The following DHX35 variants were observed in gnomAD, a reference collection of about 807,000 sequenced individuals.
DHX35 encodes DEAH-box helicase 35.
A neutral mutation model predicts 99.6 loss-of-function variants in DHX35; 84 were observed. That is an observed-to-expected ratio of 0.84 (90% CI 0.71 to 1.01). The LOEUF (loss-of-function observed/expected upper bound fraction) is 1.01, where lower values mean the gene tolerates loss of function less well. Ranked by LOEUF, DHX35 falls within the 50% of genes least tolerant of loss-of-function variation. The pLI, the probability that DHX35 is intolerant of heterozygous loss-of-function variation, is 0.00. For missense variants in DHX35, 852 were observed against 888.5 expected, an observed-to-expected ratio of 0.96 and a Z score of 0.52; for synonymous variants, 331 against 316.2, an observed-to-expected ratio of 1.05 and a Z score of -0.50.
intron 4 of DHX35, among the ~76,000 whole-genome samples, chr20:38,988,022 G>A (rs1180394961): frequency 6.6e-6 from 1 of 152,144 alleles, no homozygotes; most frequent in Non-Finnish European, 1.5e-5. Context: ...CCGGGGGATG[G>A]GTTTTCTTTT....
chr20:38,989,063 A>G, intron 5 of DHX35, 146 bp downstream of exon 5: 2 of 696,928 alleles, frequency 2.9e-6, no homozygotes, highest in South Asian at 2.3e-5. Flanking sequence ...CAGAGACTTT[A>G]GTCAGCTAGG....
chr20:38,999,241 A>G (rs919724372), intron 8 of DHX35, among the ~76,000 whole-genome samples: 2 of 151,888 alleles, frequency 1.3e-5, no homozygotes, highest in African/African-American at 4.8e-5. Flanking sequence ...ACCCTTGTCC[A>G]AGCCCTTTGG....
At chr20:38,962,464 CCGCGGCCGG>C in intron 1 of DHX35, 57 bp downstream of exon 1, 2 of 1,585,154 alleles carry the variant, frequency 1.3e-6, no homozygotes, top group Non-Finnish European at 1.7e-6. Flanking sequence ...GGTCTTGGCG[CCGCGGCCGG>C]CGCCCTGGGG....
At chr20:39,036,926 T>C (rs2087162891) in intron 21 of DHX35, among the ~76,000 whole-genome samples, 1 of 152,146 alleles carries the variant, frequency 6.6e-6, no homozygotes, top group South Asian at 2.1e-4. Flanking sequence ...GTATGGTAGA[T>C]GTTCCTTTAC....
intron 8 of DHX35, 114 bp from the exon 9 acceptor site, chr20:39,001,616 T>A: frequency 2.8e-6 from 2 of 715,854 alleles, no homozygotes; most frequent in Non-Finnish European, 2.3e-6. Flanking sequence ...ATTGCACATA[T>A]ATAATCTTGC....
At chr20:38,983,473 C>T (rs965724834) in intron 3 of DHX35, among the ~76,000 whole-genome samples, 3 of 152,146 alleles carry the variant, frequency 2.0e-5, no homozygotes, top group African/African-American at 4.8e-5. Context: ...GCTGGAATTG[C>T]GCCTTAGTTC....
At position 39,038,540 on chromosome 20, in the gene DHX35, G is replaced by A. The variant is rs148687118; in HGVS notation, c.2109G>A (p.Pro703=). ...CCAAAAGGGCCAAGGTCCAGGACCC[G>A]TGAGAGGAGCCCACAGCTACAGCTG... The part of the protein sequence containing the change: ...LKAKRAKVQD[P] Residue 703 remains proline, a synonymous_variant, in exon 22 of 22, where the codon CCG becomes CCA. Transcript: ENST00000252011. The A allele has an allele frequency of 5.0e-5, 81 of 1,611,980 alleles. No individual in the cohort carries two copies. The highest frequency in any genetic ancestry group is 4.1e-4 in the African/African-American group (31 of 74,930).
At chr20:39,025,421 A>C (rs116128512) in intron 18 of DHX35, 62 bp downstream of exon 18, 36 of 1,585,176 alleles carry the variant, frequency 2.3e-5, no homozygotes, top group Non-Finnish European at 3.0e-5. Context: ...TTGTCTTCCT[A>C]AAGTTCTCAT....
chr20:39,005,444 A>G lies in DHX35; in HGVS notation c.1012-702A>G, dbSNP rs149204474. Among the ~76,000 whole-genome samples the G allele has an allele frequency of 5.1e-4, 77 of 152,322 alleles. No homozygotes were observed. The East Asian group carries it at 6.4e-3, about 13-fold the overall frequency. On this transcript the variant is annotated intron_variant, in intron 11 of 21. Coordinates refer to ENST00000252011, the MANE Select transcript of DHX35 (RefSeq NM_021931.4). ...TGCTTGTTACTCAGGTCTCTGCTCA[A>G]AATCTTTCACAGAGGCTCTGCCTGG...
At chr20:38,989,153 G>A (rs1406978184) in intron 5 of DHX35, among the ~76,000 whole-genome samples, 5 of 147,412 alleles carry the variant, frequency 3.4e-5, no homozygotes, top group African/African-American at 1.0e-4. Flanking sequence ...GCTGGAGTGC[G>A]GTGGCACGAT....
intron 11 of DHX35, among the ~76,000 whole-genome samples, chr20:39,004,416 T>C (rs528082232): frequency 1.3e-5 from 2 of 152,186 alleles, no homozygotes; most frequent in South Asian, 2.1e-4. Context: ...TGACAGTAGT[T>C]ATCAGATCAG....
intron 19 of DHX35, chr20:39,030,480 G>A (rs1411449208): frequency 7.3e-6 from 4 of 544,960 alleles, no homozygotes; most frequent in African/African-American, 3.8e-5. Flanking sequence ...GTGTCCGCGT[G>A]TTGCTTTTCT....
chr20:39,012,732 T>C (rs1343481494), intron 13 of DHX35, among the ~76,000 whole-genome samples: 1 of 152,202 alleles, frequency 6.6e-6, no homozygotes, highest in Non-Finnish European at 1.5e-5. Flanking sequence ...GGTTTTGCCA[T>C]GTTGGCCAGG....
At chr20:39,034,610 G>A (rs866918998) in intron 21 of DHX35, among the ~76,000 whole-genome samples, 4 of 94,930 alleles carry the variant, frequency 4.2e-5, no homozygotes, top group Non-Finnish European at 8.3e-5. Flanking sequence ...TTTTTTTTGA[G>A]ACAGTCTCAC....
At position 38,994,739 on chromosome 20, in the gene DHX35, T is replaced by C. The variant is rs182695831; in HGVS notation, c.583-82T>C. 2.2e-4 allele frequency: 278 copies of C among 1,247,432 alleles called. 5 individuals are homozygous for C. In the Admixed American group the frequency reaches 5.2e-3, roughly 23 times the overall value. The allele number at this position is 1,247,432 out of a possible 1,614,324, so 77.3% of individuals were successfully genotyped here. ...AAAGAAAAAAAAAGACACTGAATTT[T>C]TGAAATACATTTCAGATATCAAATG... is the stretch of plus-strand genomic sequence containing the variant. On this transcript the variant is annotated intron_variant, in intron 7 of 21. Transcript: ENST00000252011.
intron 4 of DHX35, among the ~76,000 whole-genome samples, chr20:38,986,799 T>C (rs940794579): frequency 6.6e-6 from 1 of 152,224 alleles, no homozygotes; most frequent in Admixed American, 6.5e-5. Context: ...AAAGCCTACA[T>C]GATATAGACC....
At chr20:38,990,718 T>A (rs775802984) in intron 5 of DHX35, among the ~76,000 whole-genome samples, 1 of 152,250 alleles carries the variant, frequency 6.6e-6, no homozygotes, top group South Asian at 2.1e-4. Flanking sequence ...ATGCAAATAC[T>A]ATGCCATCTT....
At chr20:39,009,241 T>A (rs956762484) in intron 12 of DHX35, among the ~76,000 whole-genome samples, 1 of 152,190 alleles carries the variant, frequency 6.6e-6, no homozygotes, top group Non-Finnish European at 1.5e-5. Context: ...CAAATTCTCT[T>A]GAAACTAAAG....
At chr20:38,964,911 A>T (rs2085888949) in intron 1 of DHX35, among the ~76,000 whole-genome samples, 2 of 152,358 alleles carry the variant, frequency 1.3e-5, no homozygotes, top group Admixed American at 1.3e-4. Context: ...GAGACATTTT[A>T]GAGGAAGATG....
Sources: allele counts gnomAD v4.1 joint callset (sites outside exome capture counted in the v4.1 genomes callset), GRCh38; gene constraint gnomAD v4.1.1; transcripts MANE v1.5; gene names NCBI Gene and HGNC (gene_info 2026-07-23, HGNC 2026-07-21).